Variants in USH2A observed in about 807,000 individuals in gnomAD.
USH2A encodes Usher syndrome 2A (autosomal recessive, mild).
A neutral mutation model predicts 538.9 loss-of-function variants in USH2A; 443 were observed. The ratio of observed to expected loss-of-function variants is 0.82; its 90% confidence interval spans 0.76 to 0.89. USH2A has a LOEUF of 0.89. Ranked by LOEUF, USH2A falls within the 40% of genes least tolerant of loss-of-function variation. The pLI is 0.00. For synonymous variants in USH2A, 2,413 were observed against 2,273.5 expected, an observed-to-expected ratio of 1.06 and a Z score of -1.75; for missense variants, 6,633 against 6,324.8, an observed-to-expected ratio of 1.05 and a Z score of -1.65.
At chr1:216,303,380 C>T (rs1014235072) in intron 9 of USH2A, among the ~76,000 whole-genome samples, 3 of 151,902 alleles carry the variant, frequency 2.0e-5, no homozygotes, top group East Asian at 1.9e-4. Flanking sequence ...ATGGTGCTTA[C>T]AGGCAACTCT....
chr1:215,758,362 T>C lies in USH2A; in HGVS notation c.11389+233A>G, dbSNP rs2820730. ...TGAAAGTGTTGCTTTCATAGAAAGCTGTATATACTTACATATCTACATCGA... is the reference window on the plus strand; with the variant it reads ...TGAAAGTGTTGCTTTCATAGAAAGCCGTATATACTTACATATCTACATCGA... On this transcript the variant is annotated intron_variant, in intron 58 of 71. Coordinates refer to ENST00000307340, the MANE Select transcript of USH2A (RefSeq NM_206933.4). 0.97 allele frequency among the ~76,000 whole-genome samples: 147,058 copies of C among 151,780 alleles called. 71,426 individuals are homozygous for C. Among genetic ancestry groups the C allele is most frequent in the East Asian group, 1 (5,158 of 5,158 alleles).
intron 45 of USH2A, among the ~76,000 whole-genome samples, chr1:215,844,872 T>A (rs1348365632): frequency 6.6e-6 from 1 of 152,170 alleles, no homozygotes; most frequent in African/African-American, 2.4e-5. Flanking sequence ...TAAAATTTGC[T>A]CCTTGAGCAA....
chr1:216,145,230 T>C (rs1305986794), intron 21 of USH2A, among the ~76,000 whole-genome samples: 1 of 152,216 alleles, frequency 6.6e-6, no homozygotes. Flanking sequence ...TTCCAAATTC[T>C]CATGCGAACA....
At chr1:216,147,273 C>T (rs569111707) in intron 21 of USH2A, among the ~76,000 whole-genome samples, 4,484 of 152,158 alleles carry the variant, frequency 0.029, 175 homozygotes, top group African/African-American at 0.1. Flanking sequence ...TCAGCCTCTG[C>T]TCCTCCACCC....
intron 44 of USH2A, among the ~76,000 whole-genome samples, chr1:215,849,819 G>A (rs893776146): frequency 1.3e-4 from 20 of 152,212 alleles, no homozygotes; most frequent in African/African-American, 4.8e-4. Context: ...AAGTTTTGAG[G>A]GGAAATAGTT....
chr1:215,956,458 A>C (rs1221866787), intron 37 of USH2A, among the ~76,000 whole-genome samples: 1 of 152,188 alleles, frequency 6.6e-6, no homozygotes, highest in Non-Finnish European at 1.5e-5. Flanking sequence ...AGCCAAAGGT[A>C]CATCATCTGG....
intron 61 of USH2A, among the ~76,000 whole-genome samples, chr1:215,696,985 CTT>C (rs1422651284): frequency 6.6e-6 from 1 of 151,906 alleles, no homozygotes; most frequent in Non-Finnish European, 1.5e-5. Flanking sequence ...CAGGGTCTTA[CTT>C]TGACACTCAG....
At chr1:216,223,092 T>C (rs1335720346) in intron 14 of USH2A, among the ~76,000 whole-genome samples, 1 of 151,832 alleles carries the variant, frequency 6.6e-6, no homozygotes, top group African/African-American at 2.4e-5. Flanking sequence ...GATTTTAGCC[T>C]AGTGAAACTC....
At chr1:215,991,702 T>C (rs1007104920) in intron 35 of USH2A, among the ~76,000 whole-genome samples, 2 of 152,154 alleles carry the variant, frequency 1.3e-5, no homozygotes, top group Non-Finnish European at 2.9e-5. Context: ...TCAAAGAGCT[T>C]TGTAATGTGG....
chr1:216,282,291 G>A (rs1357252457), intron 11 of USH2A, among the ~76,000 whole-genome samples: 1 of 152,068 alleles, frequency 6.6e-6, no homozygotes, highest in Non-Finnish European at 1.5e-5. Context: ...TATCTAAAAA[G>A]CCACTGGCTA....
intron 40 of USH2A, among the ~76,000 whole-genome samples, chr1:215,896,540 A>G (rs903465201): frequency 3.3e-5 from 5 of 152,192 alleles, no homozygotes; most frequent in African/African-American, 1.2e-4. Flanking sequence ...AACACAAGGC[A>G]GGATTTCGGT....
At chr1:215,634,086 A>G (rs1656397617) in intron 70 of USH2A, among the ~76,000 whole-genome samples, 1 of 152,196 alleles carries the variant, frequency 6.6e-6, no homozygotes, top group Non-Finnish European at 1.5e-5. Context: ...TAATCTCAAC[A>G]TACAACTCTT....
At position 215,671,306 on chromosome 1, in the gene USH2A, A is replaced by T. The variant is rs768070197; in HGVS notation, c.13812-13T>A. 5 of 1,613,848 alleles carry T rather than the reference A, an allele frequency of 3.1e-6. No homozygotes were observed. In the African/African-American group the frequency reaches 5.3e-5, roughly 17 times the overall value. On this transcript the variant is annotated splice_polypyrimidine_tract_variant and intron_variant, in intron 63 of 71. Coordinates refer to ENST00000307340, the MANE Select transcript of USH2A (RefSeq NM_206933.4). ...TCGTATTTCATACCTTCAGGACATAAGGCAGAAATTAGTGATTTTCAGCAA... is the reference window on the plus strand; with the variant it reads ...TCGTATTTCATACCTTCAGGACATATGGCAGAAATTAGTGATTTTCAGCAA...
chr1:215,882,354 T>C (rs77398953), intron 41 of USH2A, among the ~76,000 whole-genome samples: 2,587 of 152,312 alleles, frequency 0.017, 85 homozygotes, highest in East Asian at 0.16. Flanking sequence ...TACAGTGTAG[T>C]AATTCCTCTT....
At position 215,923,225 on chromosome 1, in the gene USH2A, A is replaced by T. The variant is rs992282623; in HGVS notation, c.7300+11391T>A. On this transcript the variant is annotated intron_variant, in intron 38 of 71. Transcript: ENST00000307340. The stretch of plus-strand genomic sequence containing the variant: ...ACAACACATAGAGGCTTAAGCAATG[A>T]GATGGGTAGTGGGTTCCTGTAATCA... Among the ~76,000 whole-genome samples, 5 of 152,184 alleles carry T rather than the reference A, an allele frequency of 3.3e-5. No homozygotes were observed. The East Asian group carries it at 9.7e-4, about 30-fold the overall frequency.
At chr1:215,815,177 G>A (rs1342441632) in intron 48 of USH2A, among the ~76,000 whole-genome samples, 1 of 151,474 alleles carries the variant, frequency 6.6e-6, no homozygotes, top group Non-Finnish European at 1.5e-5. Flanking sequence ...TACCTGTGTT[G>A]CCTCTTTAAG....
intron 14 of USH2A, among the ~76,000 whole-genome samples, chr1:216,230,714 A>T (rs1344538878): frequency 1.3e-5 from 2 of 152,228 alleles, no homozygotes; most frequent in Non-Finnish European, 2.9e-5. Context: ...AAACCCTGAA[A>T]TAATTAGCAA....
chr1:216,086,867 T>C, intron 23 of USH2A, 47 bp from the exon 24 acceptor site: 1 of 1,416,104 alleles, frequency 7.1e-7, no homozygotes, highest in Non-Finnish European at 1.0e-6. Flanking sequence ...GATACTCTAG[T>C]TTTACTAGCT....
intron 67 of USH2A, among the ~76,000 whole-genome samples, chr1:215,647,017 C>G (rs896819510): frequency 6.6e-6 from 1 of 152,230 alleles, no homozygotes; most frequent in African/African-American, 2.4e-5. Flanking sequence ...ATGCATTTCT[C>G]AGAACATATT....
Sources: allele counts gnomAD v4.1 joint callset (sites outside exome capture counted in the v4.1 genomes callset), GRCh38; gene constraint gnomAD v4.1.1; transcripts MANE v1.5; gene names NCBI Gene and HGNC (gene_info 2026-07-23, HGNC 2026-07-21).